The following TTLL4 variants were observed in gnomAD, a reference collection of about 807,000 sequenced individuals.
TTLL4 encodes the protein tubulin monoglutamylase TTLL4.
TTLL4 carries 85 observed loss-of-function variants against 122.7 expected under a neutral mutation model. The ratio of observed to expected loss-of-function variants is 0.69; its 90% confidence interval spans 0.58 to 0.83. TTLL4 has a LOEUF of 0.83. TTLL4 is among the 40% of genes least tolerant of loss of function. The probability of loss-of-function intolerance (pLI) is 0.00; values close to 1 mark genes in which losing one functional copy is unlikely to be tolerated. For missense variants in TTLL4, 1,363 were observed against 1,488.6 expected (o/e 0.92, Z 1.39); for synonymous variants, 553 against 563.0 (o/e 0.98, Z 0.25).
chr2:218,719,258 T>C (rs1941962411), intron 1 of TTLL4, among the ~76,000 whole-genome samples: 1 of 151,956 alleles, frequency 6.6e-6, no homozygotes, highest in East Asian at 1.9e-4. Flanking sequence ...AGGTTAAAGA[T>C]CCCCAGAGAT....
In TTLL4 at chr2:218,754,184, C is replaced by T. The variant is rs148908284; in HGVS notation, c.3395C>T (p.Thr1132Met). Residue 1132 changes from threonine to methionine, a missense_variant, in exon 20 of 20, where the codon ACG becomes ATG. Physicochemically the swap from Thr to Met is moderately conservative, Grantham distance 81. Transcript: ENST00000392102. ...CTACTACTCTCTGAAGACGGGACCA[C>T]GCCCAAATCCAAGAAGACTCAAGCT... ...VSLLLSEDGT[T>M]PKSKKTQAGL... is the part of the protein sequence containing the mutation. 3.0e-5 allele frequency: 49 copies of T among 1,614,066 alleles called. No individual in the cohort carries two copies. Among genetic ancestry groups the T allele is most frequent in the Admixed American group, 1.3e-4 (8 of 59,994 alleles).
At chr2:218,735,759 G>T (rs1050488155) in intron 2 of TTLL4, among the ~76,000 whole-genome samples, 5 of 147,762 alleles carry the variant, frequency 3.4e-5, no homozygotes, top group African/African-American at 1.3e-4. Context: ...TGCAACCTCC[G>T]CCTCCCGAGG....
intron 2 of TTLL4, among the ~76,000 whole-genome samples, chr2:218,729,559 T>C (rs1360416012): frequency 5.9e-5 from 9 of 152,070 alleles, no homozygotes; most frequent in Non-Finnish European, 1.0e-4. Context: ...CTTTATTCTT[T>C]TTGGTGCTGT....
chr2:218,720,204 A>G (rs539115783), intron 1 of TTLL4, among the ~76,000 whole-genome samples: 3 of 152,238 alleles, frequency 2.0e-5, no homozygotes, highest in South Asian at 2.1e-4. Flanking sequence ...TGAGACGACA[A>G]ATCTGCAAAA....
intron 2 of TTLL4, among the ~76,000 whole-genome samples, chr2:218,729,768 A>AAAAAC (rs1559361968): frequency 6.7e-6 from 1 of 148,368 alleles, no homozygotes; most frequent in Non-Finnish European, 1.5e-5. Context: ...AAAAACAAAA[A>AAAAAC]AAAAAAAAAC....
At chr2:218,712,619 C>T (rs1018209858) in intron 1 of TTLL4, among the ~76,000 whole-genome samples, 1 of 152,084 alleles carries the variant, frequency 6.6e-6, no homozygotes, top group Admixed American at 6.6e-5. Flanking sequence ...AAACTCCTGA[C>T]CTCGTGATTC....
chr2:218,747,416 T>C lies in TTLL4; in HGVS notation c.2249+44T>C, dbSNP rs201593707. 9 of 1,602,352 alleles carry C rather than the reference T, an allele frequency of 5.6e-6. No homozygotes were observed. In the Admixed American group the frequency reaches 1.0e-4, roughly 18 times the overall value. On this transcript the variant is annotated intron_variant, in intron 10 of 19. Coordinates refer to ENST00000392102, the MANE Select transcript of TTLL4 (RefSeq NM_014640.5). The surrounding 1 kb of genome is among the most constrained non-coding windows in gnomAD (Gnocchi z 4.7). ...TCCCTTACCCCATCCTCCCACCTCC[T>C]TGGCCTCGAGGTTCCCTTCTTACAA...
At position 218,740,555 on chromosome 2, in the gene TTLL4, C is replaced by T; in HGVS notation, c.1632C>T (p.Ser544=). The change falls in exon 5 of 20, where the codon TCC becomes TCT. Residue 544 remains serine (S), a synonymous_variant. Coordinates refer to ENST00000392102, the MANE Select transcript of TTLL4 (RefSeq NM_014640.5). ...DSECSSLSAV[S]PSESVAMISR... ...AGTGCTCCTCATTAAGTGCTGTCTC[C>T]CCCAGCGAATCGGTGGCCATGATCT... 6.2e-7 allele frequency: 1 copy of T among 1,614,112 alleles called. No individual in the cohort carries two copies. The highest frequency in any genetic ancestry group is 8.5e-7 in the Non-Finnish European group (1 of 1,180,024).
chr2:218,743,252 C>T (rs1431795221), intron 5 of TTLL4, among the ~76,000 whole-genome samples: 1 of 152,174 alleles, frequency 6.6e-6, no homozygotes, highest in Non-Finnish European at 1.5e-5. Context: ...ACTAGTTCTC[C>T]TTTTTGTCAT....
Position 218,738,043 on chromosome 2 carries a change from T to C in TTLL4, c.367T>C (p.Tyr123His), listed in dbSNP as rs1942580664. ...NSTLLYRRSS[Y>H]RQKPYQQLES... ...CACCCTGCTATACCGCCGCTCCAGC[T>C]ATAGGCAAAAACCGTACCAGCAACT... Residue 123 changes from tyrosine to histidine, a missense_variant, in exon 3 of 20, where the codon TAT becomes CAT. Coordinates refer to ENST00000392102, the MANE Select transcript of TTLL4 (RefSeq NM_014640.5). The C allele has an allele frequency of 2.5e-6, 4 of 1,614,162 alleles. No individual in the cohort carries two copies. The highest frequency in any genetic ancestry group is 3.4e-6 in the Non-Finnish European group (4 of 1,180,028).
chr2:218,738,641 A>G lies in TTLL4; in HGVS notation c.965A>G (p.Asp322Gly). ...GCAGAGCCACTTTCCTGTGCTCTGG[A>G]TGACAGCTCTGATTCCCAGGATCCA... ...MRAEPLSCAL[D>G]DSSDSQDPTK... Residue 322 changes from aspartate to glycine, a missense_variant, in exon 3 of 20, where the codon GAT becomes GGT. Transcript: ENST00000392102. 6.2e-7 allele frequency: 1 copy of G among 1,614,224 alleles called. No homozygotes were observed. The highest frequency in any genetic ancestry group is 8.5e-7 in the Non-Finnish European group (1 of 1,180,040).
Position 218,735,824 on chromosome 2 carries a change from C to T in TTLL4, c.-98-1755C>T, listed in dbSNP as rs565953169. Among the ~76,000 whole-genome samples, 17 of 152,204 alleles carry T rather than the reference C, an allele frequency of 1.1e-4. No homozygotes were observed. In the East Asian group the frequency reaches 3.3e-3, roughly 29 times the overall value. ...AGTAGCTGGGATTACAGGCACCCTC[C>T]TCCGTGCATGGCTAATTTTTGTATT... On this transcript the variant is annotated intron_variant, in intron 2 of 19. Coordinates refer to ENST00000392102, the MANE Select transcript of TTLL4 (RefSeq NM_014640.5).
downstream of TTLL4, among the ~76,000 whole-genome samples, chr2:218,757,637 G>T (rs1478928181): frequency 6.6e-6 from 1 of 152,122 alleles, no homozygotes; most frequent in Non-Finnish European, 1.5e-5. Flanking sequence ...GTCATTACAG[G>T]TACCTTCTCT....
intron 2 of TTLL4, among the ~76,000 whole-genome samples, chr2:218,730,670 C>G (rs1348226799): frequency 6.6e-6 from 1 of 152,102 alleles, no homozygotes; most frequent in Admixed American, 6.6e-5. Context: ...AAATTTTGAC[C>G]ACTTCCTTAC....
chr2:218,757,043 T>TC (rs1943166111), downstream of TTLL4, among the ~76,000 whole-genome samples: 1 of 152,210 alleles, frequency 6.6e-6, no homozygotes, highest in Admixed American at 6.5e-5. Context: ...CTTTTAAGTC[T>TC]CCATTTCTTT....
rs763796033 is a variant in TTLL4, at chr2:218,737,573, C to T, written c.-98-6C>T. On this transcript the variant is annotated splice_polypyrimidine_tract_variant and splice_region_variant and intron_variant, in intron 2 of 19. Transcript: ENST00000392102. The stretch of plus-strand genomic sequence containing the variant: ...TAACATTTCCTATCATTTCTCTCCA[C>T]TTCAGACTGACAGACTTCAAGGATG... 19 of 1,337,626 alleles carry T rather than the reference C, an allele frequency of 1.4e-5. No individual in the cohort carries two copies. The highest frequency in any genetic ancestry group is 5.9e-5 in the African/African-American group (4 of 67,892). The allele number at this position is 1,337,626 out of a possible 1,614,324, so 82.9% of individuals were successfully genotyped here. A position where few individuals can be genotyped will look rare whatever the true frequency, so the allele number is the denominator to read the frequency against.
Position 218,714,219 on chromosome 2 carries a change from G to T in TTLL4, c.-178+3182G>T, listed in dbSNP as rs143210154. Reference sequence around the variant, plus strand: ...GAGCAACACCAGCATTGAAAGGATGGGTAGAGCAAAGAGGAAGGAAGAAGG... The same window carrying T: ...GAGCAACACCAGCATTGAAAGGATGTGTAGAGCAAAGAGGAAGGAAGAAGG... On this transcript the variant is annotated intron_variant, in intron 1 of 19. Transcript: ENST00000392102. Among the ~76,000 whole-genome samples, 87 of 152,292 alleles carry T rather than the reference G, an allele frequency of 5.7e-4. 2 individuals are homozygous for T. Among genetic ancestry groups the T allele is most frequent in the Admixed American group, 1.1e-3 (17 of 15,290 alleles).
chr2:218,753,856 G>A (rs1943091196), intron 19 of TTLL4, among the ~76,000 whole-genome samples, 187 bp downstream of exon 19: 1 of 152,130 alleles, frequency 6.6e-6, no homozygotes, highest in Non-Finnish European at 1.5e-5. Context: ...AAGCTGAGCT[G>A]GAGGACAGAA....
At chr2:218,723,206 C>T (rs1942095866) in intron 1 of TTLL4, among the ~76,000 whole-genome samples, 1 of 152,226 alleles carries the variant, frequency 6.6e-6, no homozygotes, top group Non-Finnish European at 1.5e-5. Context: ...AACCCTTGAG[C>T]TTGCCACAGT....
Sources: gnomAD v4.1 joint callset for allele counts (sites outside exome capture counted in the v4.1 genomes callset) on GRCh38, gnomAD v4.1.1 for gene constraint, Gnocchi (gnomAD v3.1) non-coding constraint, MANE v1.5 for transcripts, NCBI Gene and HGNC (gene_info 2026-07-23, HGNC 2026-07-21) for gene names.